Variants in GPRIN1 observed in about 807,000 individuals in gnomAD.
The protein encoded by GPRIN1 is G protein-regulated inducer of neurite outgrowth 1.
GPRIN1 carries 4 observed loss-of-function variants against 2.8 expected under a neutral mutation model. The ratio of observed to expected loss-of-function variants is 1.45; its 90% confidence interval spans 0.71 to 3.32. The LOEUF (loss-of-function observed/expected upper bound fraction) is 3.32. GPRIN1 is among the 30% of genes most tolerant of loss of function. The pLI is 0.01. For synonymous variants in GPRIN1, 589 were observed against 589.9 expected (o/e 1.00, Z 0.02); for missense variants, 1,322 against 1,343.4 (o/e 0.98, Z 0.25).
chr5:176,608,774 T>G (rs1418567630), intron 1 of GPRIN1, among the ~76,000 whole-genome samples: 1 of 152,098 alleles, frequency 6.6e-6, no homozygotes, highest in Non-Finnish European at 1.5e-5. Flanking sequence ...TTCCTTTCCC[T>G]CTAGGATTTC....
chr5:176,599,040 C>T lies in GPRIN1; in HGVS notation c.795G>A (p.Glu265=). The part of the protein sequence containing the change: ...RKEEPRYSGK[E]HPVSSEKVAP... The stretch of plus-strand genomic sequence containing the variant: ...CGACCTTTTCTGAGGACACAGGATG[C>T]TCTTTTCCTGAATACCTGGGCTCCT... The change falls in exon 2 of 2, where the codon GAG becomes GAA. Residue 265 remains glutamate, a synonymous_variant. Coordinates refer to ENST00000303991, the MANE Select transcript of GPRIN1 (RefSeq NM_052899.3). 6.2e-7 allele frequency: 1 copy of T among 1,614,090 alleles called. No individual in the cohort carries two copies. The highest frequency in any genetic ancestry group is 8.5e-7 in the Non-Finnish European group (1 of 1,180,008).
Position 176,595,951 on chromosome 5 carries a change from A to C in GPRIN1, c.*857T>G. On this transcript the variant is annotated 3_prime_UTR_variant, in exon 2 of 2. Coordinates refer to ENST00000303991, the MANE Select transcript of GPRIN1 (RefSeq NM_052899.3). ...AGGGGCTGGAGAGGGTGGCCTTTAA[A>C]AGACAACTGTGGTTATAGAATGAGC... The C allele has an allele frequency of 3.2e-6, 1 of 315,924 alleles. No homozygotes were observed. The highest frequency in any genetic ancestry group is 5.8e-6 in the Non-Finnish European group (1 of 173,232). 19.6% of individuals were successfully genotyped at this position (315,924 alleles called of 1,614,324 possible). A position where few individuals can be genotyped will look rare whatever the true frequency, so the allele number is the denominator to read the frequency against.
At position 176,597,035 on chromosome 5, in the gene GPRIN1, G is replaced by A; in HGVS notation, c.2800C>T (p.Leu934=). 1 of 1,501,718 alleles carries A rather than the reference G, an allele frequency of 6.7e-7. No homozygotes were observed. The highest frequency in any genetic ancestry group is 1.9e-5 in the Admixed American group (1 of 52,238). The allele number at this position is 1,501,718 out of a possible 1,614,324, so 93.0% of individuals were successfully genotyped here. The change falls in exon 2 of 2, where the codon CTG becomes TTG. Residue 934 remains leucine, a synonymous_variant. Transcript: ENST00000303991. This position sits in a 1 kb window ranked among gnomAD's most constrained non-coding sequence, Gnocchi z 6.1. The stretch of plus-strand genomic sequence containing the variant: ...AGATGCTTCTGGATGGCCATGCCCA[G>A]CACCTCCACCTCCATGGCGGCGCCG... The part of the protein sequence containing the change: ...VYGAAMEVEV[L]GMAIQKHLER...
Position 176,597,438 on chromosome 5 carries a change from C to T in GPRIN1, c.2397G>A (p.Ser799=). 7 of 1,304,912 alleles carry T rather than the reference C, an allele frequency of 5.4e-6. No homozygotes were observed. The highest frequency in any genetic ancestry group is 6.8e-6 in the Non-Finnish European group (7 of 1,031,418). 80.8% of individuals were successfully genotyped at this position (1,304,912 alleles called of 1,614,324 possible). A position where few individuals can be genotyped will look rare whatever the true frequency, so the allele number is the denominator to read the frequency against. Residue 799 remains serine, a synonymous_variant, in exon 2 of 2, where the codon TCG becomes TCA. Transcript: ENST00000303991. The surrounding 1 kb of genome is among the most constrained non-coding windows in gnomAD (Gnocchi z 6.1). The stretch of plus-strand genomic sequence containing the variant: ...GCGGCGGCGGGGCGCTCGCCTCCCA[C>T]GACGGCGCCTTGGTGAAGTTGTCGC... ...RTRDNFTKAP[S]WEASAPPPPR...
rs1326874907 is a variant in GPRIN1, at chr5:176,602,412, G to T, written c.-43-2535C>A. Among the ~76,000 whole-genome samples the T allele has an allele frequency of 6.6e-6, 1 of 152,076 alleles. No homozygotes were observed. The highest frequency in any genetic ancestry group is 1.5e-5 in the Non-Finnish European group (1 of 68,028). ...TAAAATGCCAGCTCCAGGAGGTGGG[G>T]ACTTTGCTGTGCTATCTGATATATC... On this transcript the variant is annotated intron_variant, in intron 1 of 1. Transcript: ENST00000303991. The surrounding 1 kb of genome is among the most constrained non-coding windows in gnomAD (Gnocchi z 4.4).
Position 176,599,633 on chromosome 5 carries a change from C to T in GPRIN1, c.202G>A (p.Glu68Lys). The T allele has an allele frequency of 1.9e-6, 3 of 1,542,116 alleles. No homozygotes were observed. The highest frequency in any genetic ancestry group is 2.6e-6 in the Non-Finnish European group (3 of 1,147,116). Reference sequence around the variant, plus strand: ...CCACTGGGGCTTCTGTGTCTAGACTCCATGCCTGGGCTTTGGTCAGGGGTG... The same window carrying T: ...CCACTGGGGCTTCTGTGTCTAGACTTCATGCCTGGGCTTTGGTCAGGGGTG... ...RHTPDQSPGM[E>K]SRHRSPSGAG... Residue 68 changes from glutamate to lysine, a missense_variant, in exon 2 of 2, where the codon GAG (glutamate) becomes AAG (lysine). Glu to Lys is a moderately conservative substitution (Grantham distance 56, BLOSUM62 1). This residue lies in a region of GPRIN1 where 1,117 missense variants were observed against 1,128.6 expected (regional missense o/e 0.99). Transcript: ENST00000303991.
At chr5:176,607,402 G>A (rs977091869) in intron 1 of GPRIN1, among the ~76,000 whole-genome samples, 2 of 152,204 alleles carry the variant, frequency 1.3e-5, no homozygotes, top group Non-Finnish European at 2.9e-5. Context: ...GGAGTGCAGT[G>A]GCATGATCTC....
In GPRIN1 at chr5:176,597,420, C is replaced by A; in HGVS notation, c.2415G>T (p.Pro805=). ...TKAPSWEASA[P]PPPREDAGTQ... is the part of the protein sequence containing the mutation. ...TGCCCGCGTCCTCGCGCGGCGGCGGCGGGGCGCTCGCCTCCCACGACGGCG... is the reference window on the plus strand; with the variant it reads ...TGCCCGCGTCCTCGCGCGGCGGCGGAGGGGCGCTCGCCTCCCACGACGGCG... Residue 805 remains proline, a synonymous_variant, in exon 2 of 2, where the codon CCG becomes CCT. Transcript: ENST00000303991. The surrounding 1 kb of genome is among the most constrained non-coding windows in gnomAD (Gnocchi z 6.1). The A allele has an allele frequency of 7.7e-7, 1 of 1,295,042 alleles. No individual in the cohort carries two copies. Among genetic ancestry groups the A allele is most frequent in the Non-Finnish European group, 9.7e-7 (1 of 1,026,412 alleles). The allele number at this position is 1,295,042 out of a possible 1,614,324, so 80.2% of individuals were successfully genotyped here.
chr5:176,600,014 C>T (rs1759123408), intron 1 of GPRIN1, 137 bp from the exon 2 acceptor site: 1 of 468,920 alleles, frequency 2.1e-6, no homozygotes, highest in Non-Finnish European at 3.6e-6. Context: ...AAAACACAAA[C>T]CCAAGCATGT....
intron 1 of GPRIN1, among the ~76,000 whole-genome samples, chr5:176,604,961 G>A (rs897991912): frequency 1.3e-5 from 2 of 152,066 alleles, no homozygotes; most frequent in African/African-American, 4.8e-5. Flanking sequence ...TCGAACTCCT[G>A]ACCTCAGGTG....
chr5:176,599,497 T>G lies in GPRIN1; in HGVS notation c.338A>C (p.His113Pro), dbSNP rs1759113727. The change falls in exon 2 of 2, where the codon CAT becomes CCT. Residue 113 changes from histidine (H) to proline (P), a missense_variant. Physicochemically the swap from His to Pro is moderately conservative, Grantham distance 77 (BLOSUM62 -2). This residue lies in a region of GPRIN1 where 1,117 missense variants were observed against 1,128.6 expected (regional missense o/e 0.99). Transcript: ENST00000303991. ...ESPSKETLEA[H>P]GASISGTPEA... is the part of the protein sequence containing the mutation. ...TGGTGTCCCTGAGATGGAGGCTCCA[T>G]GTGCCTCCAATGTCTCCTTGGAGGG... The G allele has an allele frequency of 6.2e-7, 1 of 1,611,550 alleles. No homozygotes were observed. The highest frequency in any genetic ancestry group is 1.1e-5 in the South Asian group (1 of 90,908).
At chr5:176,606,736 G>A (rs983223789) in intron 1 of GPRIN1, among the ~76,000 whole-genome samples, 2 of 152,216 alleles carry the variant, frequency 1.3e-5, no homozygotes, top group Admixed American at 6.5e-5. Flanking sequence ...AGCCACCTGA[G>A]TGTGGACCCT....
Position 176,598,832 on chromosome 5 carries a change from C to T in GPRIN1, c.1003G>A (p.Gly335Arg). ...CCCAAGGACCCAGGAGCCCCGGTCC[C>T]AGAGGATACAGGCCCATTCTTGCCT... Reference protein sequence around the residue: ...SSGKNGPVSSGTGAPGSLGRL... With the variant: ...SSGKNGPVSSRTGAPGSLGRL... Residue 335 changes from glycine to arginine, a missense_variant, in exon 2 of 2, where the codon GGG becomes AGG. Transcript: ENST00000303991. The T allele has an allele frequency of 1.2e-6, 2 of 1,613,782 alleles. No individual in the cohort carries two copies. The highest frequency in any genetic ancestry group is 1.7e-6 in the Non-Finnish European group (2 of 1,179,986).
intron 1 of GPRIN1, among the ~76,000 whole-genome samples, chr5:176,604,922 AG>A (rs1472763485): frequency 1.3e-5 from 2 of 151,832 alleles, no homozygotes; most frequent in Non-Finnish European, 2.9e-5. Context: ...TAGTAGGGAC[AG>A]GGTTTCTCCA....
chr5:176,597,862 C>T lies in GPRIN1; in HGVS notation c.1973G>A (p.Cys658Tyr). Reference sequence around the variant, plus strand: ...GGCCTGTGGTGTCTCCTTTTTCAAACACACAGCCCCTGCTTCCCCTGGTGC... The same window carrying T: ...GGCCTGTGGTGTCTCCTTTTTCAAATACACAGCCCCTGCTTCCCCTGGTGC... ...AAAPGEAGAV[C>Y]LKKETPQASE... The change falls in exon 2 of 2, where the codon TGT becomes TAT. Residue 658 changes from cysteine (C) to tyrosine (Y), a missense_variant. Physicochemically the swap from Cys to Tyr is radical, Grantham distance 194 (BLOSUM62 -2). Around this residue, in one of 3 missense-constraint regions of GPRIN1, gnomAD observed 1,117 missense variants for 1,128.6 expected, o/e 0.99. Coordinates refer to ENST00000303991, the MANE Select transcript of GPRIN1 (RefSeq NM_052899.3). The surrounding 1 kb of genome is among the most constrained non-coding windows in gnomAD (Gnocchi z 6.1). 6.2e-7 allele frequency: 1 copy of T among 1,613,214 alleles called. No individual in the cohort carries two copies. Among genetic ancestry groups the T allele is most frequent in the Middle Eastern group, 1.7e-4 (1 of 6,056 alleles).
At position 176,596,629 on chromosome 5, in the gene GPRIN1, A is replaced by C; in HGVS notation, c.*179T>G. The C allele has an allele frequency of 2.4e-6, 1 of 422,014 alleles. No homozygotes were observed. The highest frequency in any genetic ancestry group is 3.7e-6 in the Non-Finnish European group (1 of 272,792). 26.1% of individuals were successfully genotyped at this position (422,014 alleles called of 1,614,324 possible). A position where few individuals can be genotyped will look rare whatever the true frequency, so the allele number is the denominator to read the frequency against. ...CCTCGTGGCCACGAGGGAGCTTGGT[A>C]GAAGGGGTTCTTCTGTATTTGTGAT... On this transcript the variant is annotated 3_prime_UTR_variant, in exon 2 of 2. Coordinates refer to ENST00000303991, the MANE Select transcript of GPRIN1 (RefSeq NM_052899.3). The surrounding 1 kb of genome is among the most constrained non-coding windows in gnomAD (Gnocchi z 5.2).
In GPRIN1 at chr5:176,597,566, T is replaced by A. The variant is rs759918547; in HGVS notation, c.2269A>T (p.Ser757Cys). 1 of 1,584,294 alleles carries A rather than the reference T, an allele frequency of 6.3e-7. No individual in the cohort carries two copies. The highest frequency in any genetic ancestry group is 1.3e-5 in the African/African-American group (1 of 74,712). Residue 757 changes from serine to cysteine, a missense_variant, in exon 2 of 2, where the codon AGC becomes TGC. Coordinates refer to ENST00000303991, the MANE Select transcript of GPRIN1 (RefSeq NM_052899.3). This position sits in a 1 kb window ranked among gnomAD's most constrained non-coding sequence, Gnocchi z 6.1. The part of the protein sequence containing the change: ...RVEPKAEPVS[S>C]TEASSLGQKD... Reference sequence around the variant, plus strand: ...TGGCCGAGACTGGAGGCCTCGGTGCTGGACACGGGCTCGGCCTTCGGCTCC... The same window carrying A: ...TGGCCGAGACTGGAGGCCTCGGTGCAGGACACGGGCTCGGCCTTCGGCTCC...
Position 176,599,107 on chromosome 5 carries a change from G to C in GPRIN1, c.728C>G (p.Pro243Arg), listed in dbSNP as rs754227254. 5 of 1,613,978 alleles carry C rather than the reference G, an allele frequency of 3.1e-6. No homozygotes were observed. The highest frequency in any genetic ancestry group is 4.2e-6 in the Non-Finnish European group (5 of 1,179,924). Residue 243 changes from proline to arginine, a missense_variant, in exon 2 of 2, where the codon CCT becomes CGT. By Grantham distance (103) the Pro-to-Arg change is moderately radical (BLOSUM62 -2). This residue lies in a region of GPRIN1 where 1,117 missense variants were observed against 1,128.6 expected (regional missense o/e 0.99). Coordinates refer to ENST00000303991, the MANE Select transcript of GPRIN1 (RefSeq NM_052899.3). ...EDPGSLRKVD[P>R]VSSDKVDPVF... The stretch of plus-strand genomic sequence containing the variant: ...AGGGTCCACTTTGTCTGAGGACACA[G>C]GATCCACCTTTCTCAAAGACCCAGG...
In GPRIN1 at chr5:176,610,098, T is replaced by G. The variant is rs1561889950; in HGVS notation, c.-143A>C. 6.7e-6 allele frequency: 1 copy of G among 149,640 alleles called. No individual in the cohort carries two copies. Among genetic ancestry groups the G allele is most frequent in the Non-Finnish European group, 1.5e-5 (1 of 67,192 alleles). The allele number at this position is 149,640 out of a possible 1,614,324, so 9.3% of individuals were successfully genotyped here. On this transcript the variant is annotated 5_prime_UTR_variant, in exon 1 of 2. Transcript: ENST00000303991. ...CGGCCTCGGCTGCCTCCGGCCGGGCTGGCGGGAGGACCCGCAGACTCGGCG... is the reference window on the plus strand; with the variant it reads ...CGGCCTCGGCTGCCTCCGGCCGGGCGGGCGGGAGGACCCGCAGACTCGGCG...
Sources: gnomAD v4.1 joint callset for allele counts (sites outside exome capture counted in the v4.1 genomes callset) on GRCh38, gnomAD v4.1.1 for gene constraint, gnomAD v4.1.1 regional missense constraint, Gnocchi (gnomAD v3.1) non-coding constraint, MANE v1.5 for transcripts, NCBI Gene and HGNC (gene_info 2026-07-23, HGNC 2026-07-21) for gene names.